The following ATP2B2 variants were observed in gnomAD, a reference collection of about 807,000 sequenced individuals.
The protein encoded by ATP2B2 is ATPase plasma membrane Ca2+ transporting 2, also known as plasma membrane calcium-transporting ATPase 2.
A neutral mutation model predicts 120.0 loss-of-function variants in ATP2B2; 15 were observed. That is an observed-to-expected ratio of 0.12 (90% CI 0.08 to 0.19). ATP2B2 has a LOEUF of 0.19. Among genes scored for constraint, ATP2B2 ranks in the 10% least tolerant of loss-of-function variants. The pLI, the probability that ATP2B2 is intolerant of heterozygous loss-of-function variation, is 1.00. For missense variants in ATP2B2, 1,045 were observed against 1,719.8 expected, an observed-to-expected ratio of 0.61 and a Z score of 6.94; for synonymous variants, 694 against 700.3, an observed-to-expected ratio of 0.99 and a Z score of 0.14.
rs2125379292 is a variant in ATP2B2 at position 10,342,774 on chromosome 3, G to A, written c.2895C>T (p.Leu965=). 1 of 1,614,216 alleles carries A rather than the reference G, an allele frequency of 6.2e-7. No individual in the cohort carries two copies. The highest frequency in any genetic ancestry group is 8.5e-7 in the Non-Finnish European group (1 of 1,180,046). Residue 965 remains leucine (L), a synonymous_variant, in exon 19 of 23, where the codon CTC becomes CTT. Transcript: ENST00000360273. This position sits in a 1 kb window ranked among gnomAD's most constrained non-coding sequence, Gnocchi z 4.4. ...ILGHAVYQLA[L]IFTLLFVGEK... ...CACCAACAAAGAGCAGGGTGAAGAT[G>A]AGGGCAAGCTGGTAGACAGCATGGC...
At chr3:10,601,060 G>C (rs755203774) in intron 2 of ATP2B2, among the ~76,000 whole-genome samples, 1 of 152,140 alleles carries the variant, frequency 6.6e-6, no homozygotes, top group Non-Finnish European at 1.5e-5. Flanking sequence ...GACCCCTGTG[G>C]GTCTGTGAGC....
chr3:10,475,494 G>A (rs1415894513), intron 1 of ATP2B2, among the ~76,000 whole-genome samples: 1 of 152,204 alleles, frequency 6.6e-6, no homozygotes, highest in Non-Finnish European at 1.5e-5. Flanking sequence ...TTGGTCATGG[G>A]CACGGATTGG....
In ATP2B2 at chr3:10,477,957, A is replaced by G. The variant is rs145422625; in HGVS notation, c.-320+27508T>C. ...TTCTGTTTGATTTTTTTGAGGGACCACTATATGCTTTTCCACAGCAGCCGC... is the reference window on the plus strand; with the variant it reads ...TTCTGTTTGATTTTTTTGAGGGACCGCTATATGCTTTTCCACAGCAGCCGC... On this transcript the variant is annotated intron_variant, in intron 1 of 22. Transcript: ENST00000360273. Among the ~76,000 whole-genome samples, 8 of 152,302 alleles carry G rather than the reference A, an allele frequency of 5.3e-5. No individual in the cohort carries two copies. The East Asian group carries it at 1.3e-3, about 26-fold the overall frequency.
At chr3:10,380,677 C>G (rs1218086558) in intron 8 of ATP2B2, among the ~76,000 whole-genome samples, 2 of 152,212 alleles carry the variant, frequency 1.3e-5, no homozygotes, top group Middle Eastern at 6.3e-3. Context: ...GGACACCCCT[C>G]AGCCCCTCTG....
chr3:10,679,008 G>T (rs2071315512), intron 1 of ATP2B2, among the ~76,000 whole-genome samples: 1 of 152,118 alleles, frequency 6.6e-6, no homozygotes, highest in Non-Finnish European at 1.5e-5. Flanking sequence ...CTTTAGTATG[G>T]GATCTGGAAG....
At chr3:10,449,975 A>G in intron 1 of ATP2B2, 113 bp from the exon 2 acceptor site, 2 of 312,684 alleles carry the variant, frequency 6.4e-6, no homozygotes, top group Non-Finnish European at 1.3e-5. Context: ...CACTGACTAC[A>G]CCCATGCCCC....
At chr3:10,660,312 G>GT (rs1009390281) in intron 1 of ATP2B2, among the ~76,000 whole-genome samples, 3 of 152,102 alleles carry the variant, frequency 2.0e-5, no homozygotes, top group Non-Finnish European at 2.9e-5. Context: ...TCCAGGAGCT[G>GT]TTTTTTTGAA....
intron 2 of ATP2B2, among the ~76,000 whole-genome samples, chr3:10,575,257 G>A (rs1010616692): frequency 1.3e-5 from 2 of 152,186 alleles, no homozygotes; most frequent in African/African-American, 4.8e-5. Context: ...TGTACCTGAG[G>A]GGAGGTGCAA....
At position 10,410,739 on chromosome 3, in the gene ATP2B2, T is replaced by C. The variant is rs1175520607; in HGVS notation, c.276A>G (p.Pro92=). Residue 92 remains proline, a synonymous_variant, in exon 3 of 23, where the codon CCA becomes CCG. Transcript: ENST00000360273. The stretch of plus-strand genomic sequence containing the variant: ...CCCACACGAGCTGCAGGAAGGTTTT[T>C]GGCTTCTTTGGAGGTATAAAGTTTT... ...FGQNFIPPKK[P]KTFLQLVWEA... 1 of 1,614,132 alleles carries C rather than the reference T, an allele frequency of 6.2e-7. No homozygotes were observed. Among genetic ancestry groups the C allele is most frequent in the Non-Finnish European group, 8.5e-7 (1 of 1,180,060 alleles).
intron 3 of ATP2B2, among the ~76,000 whole-genome samples, chr3:10,522,577 A>C (rs2067006763): frequency 6.6e-6 from 1 of 152,218 alleles, no homozygotes; most frequent in South Asian, 2.1e-4. Flanking sequence ...CCCAAGAAAA[A>C]GACACTTGAA....
intron 14 of ATP2B2, among the ~76,000 whole-genome samples, chr3:10,351,420 G>A (rs1489897006): frequency 6.6e-6 from 1 of 152,242 alleles, no homozygotes; most frequent in Non-Finnish European, 1.5e-5. Flanking sequence ...CTTTCAGTGG[G>A]AGAGAACATG....
chr3:10,337,697 C>G lies in ATP2B2; in HGVS notation c.3420+479G>C, dbSNP rs550252617. On this transcript the variant is annotated intron_variant, in intron 22 of 22. Transcript: ENST00000360273. ...TTGCTCCCCAGAGCCTCTCCACCCC[C>G]TAGGGGAAGCTGGGGAGAGCAACTG... 1.5e-3 allele frequency among the ~76,000 whole-genome samples: 224 copies of G among 152,112 alleles called. 1 individual carries two copies. The highest frequency in any genetic ancestry group is 4.9e-3 in the African/African-American group (202 of 41,518).
rs554015061 is a variant in ATP2B2 at position 10,596,184 on chromosome 3, C to T, written c.-415+23733G>A. Among the ~76,000 whole-genome samples, 4 of 152,270 alleles carry T rather than the reference C, an allele frequency of 2.6e-5. No individual in the cohort carries two copies. The South Asian group carries it at 8.3e-4, about 32-fold the overall frequency. ...GACGCCTGCCAGCACCTTAAAGACC[C>T]ATTTAAAGCAGAAGACCCCAGCCCT... On this transcript the variant is annotated intron_variant, in intron 2 of 21. Transcript: ENST00000646379.
At chr3:10,600,487 A>G (rs889588536) in intron 2 of ATP2B2, among the ~76,000 whole-genome samples, 1 of 152,218 alleles carries the variant, frequency 6.6e-6, no homozygotes, top group African/African-American at 2.4e-5. Flanking sequence ...TAGCAGCTGC[A>G]TATTTAATTA....
At chr3:10,359,108 A>G (rs1283158424) in intron 13 of ATP2B2, among the ~76,000 whole-genome samples, 183 bp from the exon 14 acceptor site, 1 of 152,202 alleles carries the variant, frequency 6.6e-6, no homozygotes, top group Non-Finnish European at 1.5e-5. Flanking sequence ...CAGGCCACTC[A>G]GCAAGCGGAG....
chr3:10,485,326 C>T (rs746792541), intron 1 of ATP2B2, among the ~76,000 whole-genome samples: 11 of 152,180 alleles, frequency 7.2e-5, no homozygotes, highest in South Asian at 6.2e-4. Context: ...GTGAGGTTGC[C>T]GAGCTGGTGG....
At chr3:10,535,309 T>C (rs1030689522) in intron 2 of ATP2B2, among the ~76,000 whole-genome samples, 2 of 152,146 alleles carry the variant, frequency 1.3e-5, no homozygotes, top group African/African-American at 4.8e-5. Context: ...CAAGTTTAAC[T>C]TGCACTACTG....
chr3:10,446,620 C>T (rs1270664033), intron 2 of ATP2B2, among the ~76,000 whole-genome samples: 1 of 152,216 alleles, frequency 6.6e-6, no homozygotes, highest in Non-Finnish European at 1.5e-5. Flanking sequence ...TGGCATTATG[C>T]TCTTCTGCCT....
At chr3:10,448,869 C>T (rs549514000) in intron 2 of ATP2B2, among the ~76,000 whole-genome samples, 8 of 152,194 alleles carry the variant, frequency 5.3e-5, no homozygotes, top group Non-Finnish European at 1.0e-4. Context: ...TTCCTGGGGC[C>T]TGGGGAAGGA....
Sources: gnomAD v4.1 joint callset for allele counts (sites outside exome capture counted in the v4.1 genomes callset) on GRCh38, gnomAD v4.1.1 for gene constraint, Gnocchi (gnomAD v3.1) non-coding constraint, MANE v1.5 for transcripts, NCBI Gene and HGNC (gene_info 2026-07-23, HGNC 2026-07-21) for gene names.